Variants in CHD8 observed in about 807,000 individuals in gnomAD.
CHD8 encodes chromodomain helicase DNA binding protein 8, also known as ATP-dependent chromatin remodeler CHD8.
In CHD8, 31 loss-of-function variants were observed where a neutral mutation model predicts 279.2. The ratio of observed to expected loss-of-function variants is 0.11; its 90% confidence interval spans 0.08 to 0.15. CHD8 has a LOEUF of 0.15. CHD8 is among the 10% of genes least tolerant of loss of function. CHD8 has a pLI of 1.00. For synonymous variants in CHD8, 1,081 were observed against 1,139.6 expected, an observed-to-expected ratio of 0.95 and a Z score of 1.04; for missense variants, 2,146 against 3,230.5, an observed-to-expected ratio of 0.66 and a Z score of 8.14.
At chr14:21,428,870 G>T in intron 3 of CHD8, 94 bp downstream of exon 3, 1 of 1,114,482 alleles carries the variant, frequency 9.0e-7, no homozygotes, top group Non-Finnish European at 1.3e-6. Flanking sequence ...ATCTAGAATG[G>T]CCCCACATTC....
At position 21,408,543 on chromosome 14, in the gene CHD8, G is replaced by T. The variant is rs1196040311; in HGVS notation, c.2499C>A (p.Ile833=). 3.1e-6 allele frequency: 5 copies of T among 1,612,732 alleles called. No homozygotes were observed. The highest frequency in any genetic ancestry group is 4.2e-6 in the Non-Finnish European group (5 of 1,179,204). ...LFNWYNRQNC[I]LADEMGLGKT... ...TGCCCAATCCCATCTCATCAGCCAG[G>T]ATGCAGTTCTGCCTGCAGATTCACC... Residue 833 remains isoleucine (I), a synonymous_variant, in exon 13 of 38, where the codon ATC becomes ATA. Coordinates refer to ENST00000646647, the MANE Select transcript of CHD8 (RefSeq NM_001170629.2). The surrounding 1 kb of genome is among the most constrained non-coding windows in gnomAD (Gnocchi z 4.3).
intron 5 of CHD8, among the ~76,000 whole-genome samples, chr14:21,421,272 CACAT>C (rs750592131): frequency 1.5e-4 from 23 of 152,132 alleles, no homozygotes; most frequent in East Asian, 1.4e-3. Context: ...CACACAGACA[CACAT>C]ACATACTTTA....
rs561990527 is a variant in CHD8, at chr14:21,447,872, C to T, written c.-216+8160G>A. On this transcript the variant is annotated intron_variant, in intron 1 of 37. Coordinates refer to ENST00000646647, the MANE Select transcript of CHD8 (RefSeq NM_001170629.2). ...GACTGGATCTGGAGAAGTTGCTCTTCACTGGCTCATGGTCACTAAGGTGAA... is the reference window on the plus strand; with the variant it reads ...GACTGGATCTGGAGAAGTTGCTCTTTACTGGCTCATGGTCACTAAGGTGAA... 5.3e-5 allele frequency among the ~76,000 whole-genome samples: 8 copies of T among 152,246 alleles called. No homozygotes were observed. In the East Asian group the frequency reaches 1.5e-3, roughly 29 times the overall value.
intron 1 of CHD8, among the ~76,000 whole-genome samples, chr14:21,454,639 C>T (rs1890341697): frequency 6.6e-6 from 1 of 152,138 alleles, no homozygotes; most frequent in Admixed American, 6.5e-5. Context: ...AAACTTTCTC[C>T]TAAGCCTGTC....
rs1488172688 is a variant in CHD8 at position 21,408,040 on chromosome 14, T to C, written c.2730+272A>G. 1.3e-5 allele frequency among the ~76,000 whole-genome samples: 2 copies of C among 152,216 alleles called. No individual in the cohort carries two copies. Among genetic ancestry groups the C allele is most frequent in the Admixed American group, 6.5e-5 (1 of 15,278 alleles). ...TGTAAAATACTGTGATTAAAATTCA[T>C]TGATGCTGACAAAATTCTACTTAAA... On this transcript the variant is annotated intron_variant, in intron 13 of 37. Transcript: ENST00000646647. This position sits in a 1 kb window ranked among gnomAD's most constrained non-coding sequence, Gnocchi z 4.3.
In CHD8 at chr14:21,395,905, A is replaced by G; in HGVS notation, c.5052-13T>C. On this transcript the variant is annotated splice_polypyrimidine_tract_variant and intron_variant, in intron 27 of 37. Coordinates refer to ENST00000646647, the MANE Select transcript of CHD8 (RefSeq NM_001170629.2). The stretch of plus-strand genomic sequence containing the variant: ...ATCAAAGTCAACCCTAAAATTATGG[A>G]GAGGCACAAGAAAATGTTAATAATG... The G allele has an allele frequency of 1.9e-6, 3 of 1,575,374 alleles. No individual in the cohort carries two copies. The highest frequency in any genetic ancestry group is 2.6e-6 in the Non-Finnish European group (3 of 1,146,462).
rs536360321 is a variant in CHD8, at chr14:21,394,979, G to A, written c.5323C>T (p.Arg1775Trp). 10 of 1,613,956 alleles carry A rather than the reference G, an allele frequency of 6.2e-6. No individual in the cohort carries two copies. Among genetic ancestry groups the A allele is most frequent in the South Asian group, 2.2e-5 (2 of 91,078 alleles). ...MKIEAAERGD[R>W]RRRRCEAAFK... is the part of the protein sequence containing the mutation. ...GCTGCTTCACAACGCCGCCTTCGCC[G>A]GTCCCCACGTTCTGCAGCCTCTATC... Residue 1775 changes from arginine to tryptophan, a missense_variant, in exon 30 of 38, where the codon CGG becomes TGG. Transcript: ENST00000646647.
chr14:21,448,926 G>A (rs934244552), intron 1 of CHD8, among the ~76,000 whole-genome samples: 8 of 150,364 alleles, frequency 5.3e-5, no homozygotes, highest in Admixed American at 4.6e-4. Flanking sequence ...TGTAATCCCA[G>A]TACTTTGGGA....
At chr14:21,429,417 C>G (rs778344173) in intron 2 of CHD8, 82 bp from the exon 3 acceptor site, 10 of 1,405,600 alleles carry the variant, frequency 7.1e-6, no homozygotes, top group Non-Finnish European at 9.0e-6. Flanking sequence ...TTTCTTCATG[C>G]TAGAATCATA....
chr14:21,403,206 T>C lies in CHD8; in HGVS notation c.3525A>G (p.Leu1175=). Residue 1175 remains leucine (L), a synonymous_variant, in exon 18 of 38, where the codon TTA becomes TTG. Coordinates refer to ENST00000646647, the MANE Select transcript of CHD8 (RefSeq NM_001170629.2). The surrounding 1 kb of genome is among the most constrained non-coding windows in gnomAD (Gnocchi z 4.3). The part of the protein sequence containing the change: ...LEDYLIQRRY[L]YERIDGRVRG... ...TAACTCGCCCATCAATACGTTCATA[T>C]AAGTACCTGTATGGGAATCGCAGAA... 4 of 1,613,368 alleles carry C rather than the reference T, an allele frequency of 2.5e-6. No individual in the cohort carries two copies. The highest frequency in any genetic ancestry group is 3.3e-4 in the Middle Eastern group (2 of 6,054).
At chr14:21,419,980 C>G (rs533226212) in intron 5 of CHD8, 1 of 188,766 alleles carries the variant, frequency 5.3e-6, no homozygotes, top group African/African-American at 2.4e-5. Flanking sequence ...CATCAGATTG[C>G]GCATTGCCTA....
At chr14:21,413,257 C>G (rs1011279473) in intron 9 of CHD8, among the ~76,000 whole-genome samples, 2 of 152,198 alleles carry the variant, frequency 1.3e-5, no homozygotes, top group African/African-American at 4.8e-5. Context: ...TTCATTGCTT[C>G]TTGTATTCTT....
At chr14:21,415,673 T>TG in intron 6 of CHD8, 31 bp from the exon 7 acceptor site, 1 of 1,612,268 alleles carries the variant, frequency 6.2e-7, no homozygotes. Context: ...AGTCAACAGA[T>TG]GATTGTGACC....
intron 1 of CHD8, among the ~76,000 whole-genome samples, chr14:21,453,417 T>C (rs989465067): frequency 2.6e-5 from 4 of 151,870 alleles, no homozygotes; most frequent in Non-Finnish European, 5.9e-5. Flanking sequence ...GATCACCAAC[T>C]TGGTGAGACA....
At chr14:21,436,844 G>GT (rs1889798649) in intron 1 of CHD8, 2 of 612,726 alleles carry the variant, frequency 3.3e-6, no homozygotes, top group Non-Finnish European at 5.2e-6. Context: ...GAAGTGAGGG[G>GT]TTGATGGAGA....
intron 5 of CHD8, 47 bp downstream of exon 5, chr14:21,426,081 T>A: frequency 8.9e-7 from 1 of 1,128,678 alleles, no homozygotes; most frequent in Non-Finnish European, 1.3e-6. Flanking sequence ...TGGTTAGCCA[T>A]AATTAAACAT....
Position 21,400,577 on chromosome 14 carries a change from C to T in CHD8, c.4406G>A (p.Arg1469His), listed in dbSNP as rs754064184. 5.0e-6 allele frequency: 8 copies of T among 1,585,590 alleles called. No homozygotes were observed. The highest frequency in any genetic ancestry group is 1.4e-5 in the African/African-American group (1 of 72,856). Residue 1469 changes from arginine to histidine, a missense_variant, in exon 23 of 38, where the codon CGC (arginine) becomes CAC (histidine). Coordinates refer to ENST00000646647, the MANE Select transcript of CHD8 (RefSeq NM_001170629.2). This position sits in a 1 kb window ranked among gnomAD's most constrained non-coding sequence, Gnocchi z 4.2. ...GRWRDILSHG[R>H]FKRRMTERDV... ...TCGTTCAGTCATACGTCGCTTGAAG[C>T]GTCCATGAGATAAAATATCTCGCCA...
rs1888111670 is a variant in CHD8, at chr14:21,403,260, GAGACCAAAACAGC to G, written c.3519-61_3519-49del. ...AAATGTAAGTGGCTAAGCAGAAGTGGAGACCAAAACAGCAGGCTAGGATCAATACCAGTACTCC... is the reference window on the plus strand; with the variant it reads ...AAATGTAAGTGGCTAAGCAGAAGTGGAGGCTAGGATCAATACCAGTACTCC... On this transcript the variant is annotated intron_variant, in intron 17 of 37. Transcript: ENST00000646647. This position sits in a 1 kb window ranked among gnomAD's most constrained non-coding sequence, Gnocchi z 4.3. 6.4e-7 allele frequency: 1 copy of G among 1,573,420 alleles called. No individual in the cohort carries two copies. The highest frequency in any genetic ancestry group is 1.1e-5 in the South Asian group (1 of 88,246).
In CHD8 at chr14:21,402,964, T is replaced by G. The variant is rs897646974; in HGVS notation, c.3714+53A>C. 3.5e-6 allele frequency: 5 copies of G among 1,447,432 alleles called. No individual in the cohort carries two copies. Among genetic ancestry groups the G allele is most frequent in the Non-Finnish European group, 3.8e-6 (4 of 1,050,536 alleles). The allele number at this position is 1,447,432 out of a possible 1,614,324, so 89.7% of individuals were successfully genotyped here. ...TCTTTCTAAAAGATCCTATTCTTGT[T>G]GAAAAATCTCCCAAGTTAGGTAGTT... On this transcript the variant is annotated intron_variant, in intron 18 of 37. Transcript: ENST00000646647. The surrounding 1 kb of genome is among the most constrained non-coding windows in gnomAD (Gnocchi z 4.5).
Sources: gnomAD v4.1 joint callset for allele counts (sites outside exome capture counted in the v4.1 genomes callset) on GRCh38, gnomAD v4.1.1 for gene constraint, Gnocchi (gnomAD v3.1) non-coding constraint, MANE v1.5 for transcripts, NCBI Gene and HGNC (gene_info 2026-07-23, HGNC 2026-07-21) for gene names.